Variants in DNAH3 observed in about 807,000 individuals in gnomAD.
The protein encoded by DNAH3 is dynein axonemal heavy chain 3, also known as axonemal beta dynein heavy chain 3.
DNAH3 carries 332 observed loss-of-function variants against 432.5 expected under a neutral mutation model. The observed-to-expected ratio is 0.77, with a 90% confidence interval of 0.70 to 0.84. The LOEUF (loss-of-function observed/expected upper bound fraction) is 0.84. Among genes scored for constraint, DNAH3 ranks in the 40% least tolerant of loss-of-function variants. DNAH3 has a pLI of 0.00. For synonymous variants in DNAH3, 1,956 were observed against 1,900.2 expected, an observed-to-expected ratio of 1.03 and a Z score of -0.76; for missense variants, 4,861 against 5,114.0, an observed-to-expected ratio of 0.95 and a Z score of 1.51.
chr16:21,157,573 G>A (rs2092907498), intron 1 of DNAH3, among the ~76,000 whole-genome samples: 1 of 151,876 alleles, frequency 6.6e-6, no homozygotes, highest in Non-Finnish European at 1.5e-5. Context: ...CAAGTGATCT[G>A]CCCACCTCAG....
chr16:20,982,726 C>G, exon 49 of DNAH3: 2 of 1,613,442 alleles, frequency 1.2e-6, no homozygotes, highest in Non-Finnish European at 1.7e-6. Context: ...CTTACTCTAC[C>G]CGAATGTTGT....
chr16:20,964,601 T>C (rs770727220), exon 53 of DNAH3: 5 of 1,614,194 alleles, frequency 3.1e-6, no homozygotes, highest in South Asian at 1.1e-5. Context: ...GCCTTCTCCA[T>C]GTTCTTAATC....
intron 56 of DNAH3, among the ~76,000 whole-genome samples, chr16:20,951,593 G>A: frequency 6.6e-6 from 1 of 151,768 alleles, no homozygotes; most frequent in East Asian, 1.9e-4. Flanking sequence ...ACAGGCATGT[G>A]TCACCACGCC....
intron 18 of DNAH3, 27 bp from the exon 19 acceptor site, chr16:21,087,087 CAG>C (rs1389191345): frequency 3.2e-6 from 5 of 1,580,840 alleles, no homozygotes; most frequent in Middle Eastern, 1.9e-4. Context: ...AGGGAAAGGT[CAG>C]ACCATCATGT....
chr16:21,145,414 G>T lies in DNAH3; in HGVS notation c.223-8C>A, dbSNP rs2092771067. 1 of 1,605,362 alleles carries T rather than the reference G, an allele frequency of 6.2e-7. No homozygotes were observed. Among genetic ancestry groups the T allele is most frequent in the South Asian group, 1.1e-5 (1 of 90,970 alleles). On this transcript the variant is annotated splice_polypyrimidine_tract_variant and splice_region_variant and intron_variant, in intron 2 of 61. Coordinates refer to ENST00000261383, the Ensembl canonical transcript of DNAH3. Reference sequence around the variant, plus strand: ...GCTGTGTGACATGACAGTCTACGAGGTAAGAAGTGCAGAGTGAGACACAAT... The same window carrying T: ...GCTGTGTGACATGACAGTCTACGAGTTAAGAAGTGCAGAGTGAGACACAAT...
intron 41 of DNAH3, among the ~76,000 whole-genome samples, chr16:21,010,693 T>C (rs2087551270): frequency 6.6e-6 from 1 of 152,038 alleles, no homozygotes; most frequent in South Asian, 2.1e-4. Context: ...GCACTCGGCA[T>C]TAGAATTTTC....
At chr16:21,009,677 G>A (rs1023693594) in intron 41 of DNAH3, among the ~76,000 whole-genome samples, 1 of 152,110 alleles carries the variant, frequency 6.6e-6, no homozygotes, top group Non-Finnish European at 1.5e-5. Flanking sequence ...CTGGAAGTTG[G>A]AGAACAGGCT....
intron 23 of DNAH3, 61 bp from the exon 24 acceptor site, chr16:21,067,480 T>C: frequency 1.9e-6 from 3 of 1,580,470 alleles, no homozygotes; most frequent in East Asian, 4.5e-5. Flanking sequence ...AGATTGGTCA[T>C]TGTATTGAAT....
chr16:20,945,664 G>A (rs972275325), intron 57 of DNAH3, among the ~76,000 whole-genome samples: 2 of 152,008 alleles, frequency 1.3e-5, no homozygotes, highest in African/African-American at 4.8e-5. Flanking sequence ...CTAATTTTTT[G>A]TATTTTTAGT....
intron 32 of DNAH3, among the ~76,000 whole-genome samples, chr16:21,040,344 C>T (rs938988101): frequency 7.1e-6 from 1 of 141,552 alleles, no homozygotes; most frequent in African/African-American, 2.8e-5. Context: ...CAGAAGAATC[C>T]CAAAGCCAGA....
At chr16:20,989,903 CCGGGGCCGG>C (rs946348929) in intron 44 of DNAH3, among the ~76,000 whole-genome samples, 3 of 152,236 alleles carry the variant, frequency 2.0e-5, no homozygotes, top group Non-Finnish European at 4.4e-5. Flanking sequence ...CCCTCATTGC[CCGGGGCCGG>C]CAGGGCCGGC....
chr16:21,057,971 C>T, intron 27 of DNAH3, 115 bp downstream of exon 27: 2 of 722,348 alleles, frequency 2.8e-6, no homozygotes, highest in South Asian at 1.6e-5. Context: ...GTCTGTGATG[C>T]TGAGACCAAA....
chr16:21,142,653 C>CT (rs2092735318), intron 3 of DNAH3, among the ~76,000 whole-genome samples: 1 of 46,526 alleles, frequency 2.1e-5, no homozygotes. Context: ...ATACAAAAAT[C>CT]CTTTTTTTTT....
At position 21,068,964 on chromosome 16, in the gene DNAH3, T is replaced by C. The variant is rs1013316057; in HGVS notation, c.3381+451A>G. Among the ~76,000 whole-genome samples, 6 of 151,792 alleles carry C rather than the reference T, an allele frequency of 4.0e-5. No homozygotes were observed. In the East Asian group the frequency reaches 1.2e-3, roughly 29 times the overall value. ...TTTTGAGACGGAGTCTTGCTCTCTC[T>C]CCCAGCCTGGAGTGCAGTGGCACGA... On this transcript the variant is annotated intron_variant, in intron 23 of 61. Coordinates refer to ENST00000261383, the Ensembl canonical transcript of DNAH3.
In DNAH3 at chr16:21,134,419, G is replaced by A. The variant is rs769073354; in HGVS notation, c.922C>T (p.Arg308Trp). The A allele has an allele frequency of 8.7e-6, 14 of 1,614,086 alleles. No homozygotes were observed. Among genetic ancestry groups the A allele is most frequent in the Admixed American group, 3.3e-5 (2 of 60,016 alleles). ...CGGGGGATGCTCTCAATAAAGAGCC[G>A]TTTTCTCTCCATTGGGTCCATGAGG... is the stretch of plus-strand genomic sequence containing the variant. Residue 308 changes from arginine to tryptophan, a missense_variant, in exon 7 of 62, where the codon CGG becomes TGG. Physicochemically the swap from Arg to Trp is moderately radical, Grantham distance 101. Transcript: ENST00000261383.
chr16:21,042,069 G>C lies in DNAH3; in HGVS notation c.4596C>G (p.Asn1532Lys), dbSNP rs1339545591. The C allele has an allele frequency of 1.9e-6, 3 of 1,613,904 alleles. No individual in the cohort carries two copies. In the Admixed American group the frequency reaches 5.0e-5, roughly 27 times the overall value. Residue 1532 changes from asparagine (N) to lysine (K), a missense_variant, in exon 32 of 62, where the codon AAC becomes AAG. By Grantham distance (94) the Asn-to-Lys change is moderately conservative (BLOSUM62 0). Coordinates refer to ENST00000261383, the Ensembl canonical transcript of DNAH3. The stretch of plus-strand genomic sequence containing the variant: ...GTTCAGCCCTGCCAGCATACCCGGG[G>C]TTCATGGTGATGAACACAGCGCAGG...
chr16:21,024,493 T>G, intron 39 of DNAH3, 103 bp downstream of exon 39: 1 of 762,254 alleles, frequency 1.3e-6, no homozygotes, highest in Non-Finnish European at 2.1e-6. Flanking sequence ...CCCTGCCCCT[T>G]GTTGCCTCCA....
At chr16:20,956,914 G>A (rs2084590678) in intron 54 of DNAH3, among the ~76,000 whole-genome samples, 2 of 152,064 alleles carry the variant, frequency 1.3e-5, no homozygotes, top group African/African-American at 4.8e-5. Flanking sequence ...AGTAGAGACA[G>A]GGTTTCACCA....
rs773188046 is a variant in DNAH3 at position 20,948,435 on chromosome 16, A to G, written c.11343+48T>C. ...GCAGCCCTGTAGCCATATAGAGATGACGGAGCCCTGTGGGGGAAAGAGGTA... is the reference window on the plus strand; with the variant it reads ...GCAGCCCTGTAGCCATATAGAGATGGCGGAGCCCTGTGGGGGAAAGAGGTA... On this transcript the variant is annotated intron_variant, in intron 57 of 61. Coordinates refer to ENST00000261383, the Ensembl canonical transcript of DNAH3. 1.0e-5 allele frequency: 16 copies of G among 1,587,690 alleles called. No individual in the cohort carries two copies. In the Admixed American group the frequency reaches 2.6e-4, roughly 26 times the overall value.
Sources: allele counts gnomAD v4.1 joint callset (sites outside exome capture counted in the v4.1 genomes callset), GRCh38; gene constraint gnomAD v4.1.1; transcripts MANE v1.5; gene names NCBI Gene and HGNC (gene_info 2026-07-23, HGNC 2026-07-21).